NRXN1: variants seen among roughly 807,000 people sequenced by gnomAD.
NRXN1 encodes the protein neurexin-1.
NRXN1 carries 39 observed loss-of-function variants against 150.9 expected under a neutral mutation model. The ratio of observed to expected loss-of-function variants is 0.26; its 90% CI spans 0.20 to 0.34. The LOEUF is 0.34. Ranked by LOEUF, NRXN1 falls within the 10% of genes least tolerant of loss-of-function variation. NRXN1 has a pLI of 1.00. For synonymous variants in NRXN1, 924 were observed against 757.0 expected (o/e 1.22, Z -3.62); for missense variants, 1,815 against 1,949.9 (o/e 0.93, Z 1.30).
intron 17 of NRXN1, among the ~76,000 whole-genome samples, chr2:50,438,084 T>C (rs550304493): frequency 6.6e-6 from 1 of 152,260 alleles, no homozygotes; most frequent in African/African-American, 2.4e-5. Flanking sequence ...TGGGGCTCTA[T>C]TTTCCTACTG....
chr2:50,690,861 T>A (rs1405993769), intron 5 of NRXN1, among the ~76,000 whole-genome samples: 1 of 152,220 alleles, frequency 6.6e-6, no homozygotes, highest in Non-Finnish European at 1.5e-5. Context: ...CCCTCCCGGT[T>A]CTTTTCCTTT....
intron 12 of NRXN1, among the ~76,000 whole-genome samples, chr2:50,527,144 G>T (rs955848337): frequency 6.6e-6 from 1 of 152,144 alleles, no homozygotes; most frequent in Non-Finnish European, 1.5e-5. Context: ...AGTACATAAG[G>T]TAGAGGTCTA....
At chr2:50,920,314 A>G (rs750821047) in intron 5 of NRXN1, among the ~76,000 whole-genome samples, 2 of 151,828 alleles carry the variant, frequency 1.3e-5, no homozygotes, top group Admixed American at 6.6e-5. Context: ...GAAAAACTAA[A>G]TAAAGTTAAG....
chr2:51,011,633 A>G (rs1667886357), intron 2 of NRXN1, among the ~76,000 whole-genome samples: 1 of 152,094 alleles, frequency 6.6e-6, no homozygotes, highest in Admixed American at 6.6e-5. Flanking sequence ...GAACACAATT[A>G]TTATTCAGAA....
intron 17 of NRXN1, among the ~76,000 whole-genome samples, chr2:50,291,436 ACAGGCGATACTTTGC>A: frequency 6.6e-6 from 1 of 152,306 alleles, no homozygotes; most frequent in East Asian, 1.9e-4. Context: ...AATATGTTCA[ACAGGCGATACTTTGC>A]CAGGCTGAGA....
At chr2:50,639,094 A>G (rs1440927833) in intron 5 of NRXN1, among the ~76,000 whole-genome samples, 1 of 152,170 alleles carries the variant, frequency 6.6e-6, no homozygotes, top group East Asian at 1.9e-4. Context: ...AGGGAAGTTA[A>G]TAGACTTGGC....
rs113108927 is a variant in NRXN1 at position 50,097,642 on chromosome 2, CT to C, written c.3547-6149del. ...GATAATTGCTAATTTAGCCCAAACACTTTTTTTTTTTTTTGAGATGGAGTTT... is the reference window on the plus strand; with the variant it reads ...GATAATTGCTAATTTAGCCCAAACACTTTTTTTTTTTTTGAGATGGAGTTT... On this transcript the variant is annotated intron_variant, in intron 18 of 22. Transcript: ENST00000401669. 2.6e-3 allele frequency among the ~76,000 whole-genome samples: 379 copies of C among 144,520 alleles called. 1 individual carries two copies. Among genetic ancestry groups the C allele is most frequent in the East Asian group, 3.2e-3 (16 of 4,996 alleles). The allele number at this position is 144,520 out of a possible 152,430, so 94.8% of individuals were successfully genotyped here.
intron 18 of NRXN1, among the ~76,000 whole-genome samples, chr2:50,150,119 T>A (rs2058610627): frequency 6.6e-6 from 1 of 151,782 alleles, no homozygotes; most frequent in African/African-American, 2.4e-5. Flanking sequence ...TCAATTACTG[T>A]AAAGAAATCA....
chr2:50,563,900 C>T (rs1669480260), intron 8 of NRXN1, among the ~76,000 whole-genome samples: 1 of 152,106 alleles, frequency 6.6e-6, no homozygotes, highest in African/African-American at 2.4e-5. Flanking sequence ...GCACATCCAC[C>T]TAAGAGCCTG....
intron 15 of NRXN1, among the ~76,000 whole-genome samples, chr2:50,480,290 G>C (rs142641939): frequency 6.6e-6 from 1 of 152,314 alleles, no homozygotes; most frequent in African/African-American, 2.4e-5. Flanking sequence ...GTAGTAATGA[G>C]AACCCATGCA....
chr2:50,813,099 C>A (rs147904160), intron 5 of NRXN1, among the ~76,000 whole-genome samples: 1 of 151,698 alleles, frequency 6.6e-6, no homozygotes, highest in Non-Finnish European at 1.5e-5. Flanking sequence ...GAGGCTGAGT[C>A]GGGAGGATGG....
At chr2:49,977,158 T>TA (rs575515296) in intron 21 of NRXN1, among the ~76,000 whole-genome samples, 15 of 149,406 alleles carry the variant, frequency 1.0e-4, no homozygotes, top group Admixed American at 2.0e-4. Flanking sequence ...GATACAAACC[T>TA]AAAAAAAAAA....
In NRXN1 at chr2:50,415,240, A is replaced by C. The variant is rs540698122; in HGVS notation, c.3364+50202T>G. 1.2e-4 allele frequency among the ~76,000 whole-genome samples: 19 copies of C among 152,288 alleles called. 1 individual carries two copies. In the South Asian group the frequency reaches 3.3e-3, roughly 27 times the overall value. On this transcript the variant is annotated intron_variant, in intron 17 of 22. Transcript: ENST00000401669. ...AAGGTAGTTCACATTAAATACATTAAATTACAGTTAAAGTTATTTTTAACT... is the reference window on the plus strand; with the variant it reads ...AAGGTAGTTCACATTAAATACATTACATTACAGTTAAAGTTATTTTTAACT...
intron 8 of NRXN1, among the ~76,000 whole-genome samples, chr2:50,598,620 A>T (rs1348113626): frequency 6.8e-6 from 1 of 146,476 alleles, no homozygotes; most frequent in Non-Finnish European, 1.5e-5. Flanking sequence ...ACATATATAT[A>T]CATGTATATA....
At chr2:50,242,865 G>A (rs772990676) in intron 17 of NRXN1, among the ~76,000 whole-genome samples, 3 of 151,682 alleles carry the variant, frequency 2.0e-5, no homozygotes, top group Non-Finnish European at 4.4e-5. Context: ...GAAAGAGAAT[G>A]CATATGCTCT....
intron 5 of NRXN1, among the ~76,000 whole-genome samples, chr2:50,763,033 C>T (rs1008272371): frequency 6.6e-6 from 1 of 151,910 alleles, no homozygotes; most frequent in Admixed American, 6.6e-5. Context: ...ACCCTCTTCA[C>T]GTATCACCTC....
intron 8 of NRXN1, among the ~76,000 whole-genome samples, chr2:50,590,988 C>G (rs1032915469): frequency 2.0e-5 from 3 of 152,158 alleles, no homozygotes; most frequent in Non-Finnish European, 4.4e-5. Flanking sequence ...CAGTCTCCCC[C>G]ACTGAGGTCT....
intron 18 of NRXN1, among the ~76,000 whole-genome samples, chr2:50,216,382 G>C (rs2063402530): frequency 6.6e-6 from 1 of 151,866 alleles, no homozygotes; most frequent in Non-Finnish European, 1.5e-5. Context: ...GAGAAGAAGG[G>C]TTCAATTTAA....
In NRXN1 at chr2:50,347,435, T is replaced by G. The variant is rs2078105428; in HGVS notation, c.3365-110465A>C. The G allele has an allele frequency of 8.8e-7, 1 of 1,140,152 alleles. No homozygotes were observed. The highest frequency in any genetic ancestry group is 1.1e-6 in the Non-Finnish European group (1 of 916,642). 70.6% of individuals were successfully genotyped at this position (1,140,152 alleles called of 1,614,324 possible). On this transcript the variant is annotated intron_variant, in intron 17 of 22. Coordinates refer to ENST00000401669, the MANE Select transcript of NRXN1 (RefSeq NM_001330078.2). The surrounding 1 kb of genome is among the most constrained non-coding windows in gnomAD (Gnocchi z 4.9). Reference sequence around the variant, plus strand: ...GTGTGCGGGGACTAGGGAGGCCACTTCGCCGGCCCAACCTCCTTTCAAGAC... The same window carrying G: ...GTGTGCGGGGACTAGGGAGGCCACTGCGCCGGCCCAACCTCCTTTCAAGAC...
Sources: gnomAD v4.1 joint callset for allele counts (sites outside exome capture counted in the v4.1 genomes callset) on GRCh38, gnomAD v4.1.1 for gene constraint, Gnocchi (gnomAD v3.1) non-coding constraint, MANE v1.5 for transcripts, NCBI Gene and HGNC (gene_info 2026-07-23, HGNC 2026-07-21) for gene names.